BNC2: variants seen among roughly 807,000 people sequenced by gnomAD.
BNC2 encodes the protein basonuclin zinc finger protein 2.
A neutral mutation model predicts 76.3 loss-of-function variants in BNC2; 20 were observed. That is an observed-to-expected ratio of 0.26 (90% CI 0.18 to 0.38). The LOEUF is 0.38. Ranked by LOEUF, BNC2 falls within the 10% of genes least tolerant of loss-of-function variation. BNC2 has a pLI of 1.00. For missense variants in BNC2, 1,382 were observed against 1,399.8 expected (o/e 0.99, Z 0.20); for synonymous variants, 582 against 514.8 (o/e 1.13, Z -1.77).
chr9:16,419,882 AGAGTTGACTCTGTCAAT>A (rs1452738080), intron 6 of BNC2, among the ~76,000 whole-genome samples: 1 of 152,204 alleles, frequency 6.6e-6, no homozygotes, highest in African/African-American at 2.4e-5. Context: ...TTTTTATAAG[AGAGTTGACTCTGTCAAT>A]GGTAGGATGA....
In BNC2 at chr9:16,667,327, C is replaced by A. The variant is rs551429423; in HGVS notation, c.330+60470G>T. Among the ~76,000 whole-genome samples, 6 of 152,258 alleles carry A rather than the reference C, an allele frequency of 3.9e-5. No individual in the cohort carries two copies. In the South Asian group the frequency reaches 1.2e-3, roughly 32 times the overall value. On this transcript the variant is annotated intron_variant, in intron 3 of 6. Coordinates refer to ENST00000380672, the MANE Select transcript of BNC2 (RefSeq NM_017637.6). ...CTTTTGCAAATTTAACCGGCCTATACAAGAATAAAATCCACAATCAAGCTC... is the reference window on the plus strand; with the variant it reads ...CTTTTGCAAATTTAACCGGCCTATAAAAGAATAAAATCCACAATCAAGCTC...
At chr9:16,696,842 A>G (rs1823353512) in intron 3 of BNC2, among the ~76,000 whole-genome samples, 1 of 152,210 alleles carries the variant, frequency 6.6e-6, no homozygotes, top group Non-Finnish European at 1.5e-5. Context: ...AGATGCAAAA[A>G]GGTTATTATT....
At chr9:16,432,997 T>C (rs1174700992) in intron 6 of BNC2, among the ~76,000 whole-genome samples, 5 of 152,152 alleles carry the variant, frequency 3.3e-5, no homozygotes, top group East Asian at 3.9e-4. Context: ...TTGACATTCA[T>C]TGACAAAATA....
chr9:16,555,088 C>T (rs765436616), intron 4 of BNC2, among the ~76,000 whole-genome samples: 5 of 150,816 alleles, frequency 3.3e-5, no homozygotes, highest in Admixed American at 2.6e-4. Context: ...GGCGCGATCT[C>T]GGCTCACTGC....
chr9:16,440,541 T>G (rs1034996219), intron 5 of BNC2, among the ~76,000 whole-genome samples: 1 of 152,196 alleles, frequency 6.6e-6, no homozygotes, highest in African/African-American at 2.4e-5. Context: ...TACCTAAATC[T>G]ACATGTCAGT....
intron 4 of BNC2, among the ~76,000 whole-genome samples, chr9:16,555,780 G>C (rs1333127579): frequency 2.6e-5 from 4 of 152,054 alleles, no homozygotes; most frequent in Non-Finnish European, 5.9e-5. Context: ...CTGGGCAACA[G>C]AGTGAGACCC....
chr9:16,472,470 T>C (rs1821846075), intron 5 of BNC2, among the ~76,000 whole-genome samples: 1 of 152,216 alleles, frequency 6.6e-6, no homozygotes. Context: ...TATATATACC[T>C]ACTCTCCTCT....
intron 3 of BNC2, among the ~76,000 whole-genome samples, chr9:16,697,598 G>A (rs537938499): frequency 4.1e-4 from 34 of 82,244 alleles, no homozygotes; most frequent in Admixed American, 9.3e-4. Flanking sequence ...GCACATGCCT[G>A]TAATCCCAGC....
At chr9:16,705,458 T>G (rs544546397) in intron 3 of BNC2, among the ~76,000 whole-genome samples, 6 of 152,286 alleles carry the variant, frequency 3.9e-5, no homozygotes, top group Admixed American at 1.3e-4. Context: ...ACCCCTTGCA[T>G]TGTGACCAGC....
intron 3 of BNC2, among the ~76,000 whole-genome samples, chr9:16,638,407 G>A (rs1477488934): frequency 6.6e-6 from 1 of 151,976 alleles, no homozygotes; most frequent in Non-Finnish European, 1.5e-5. Context: ...CAGAAAACTT[G>A]GATAAAAATA....
intron 3 of BNC2, among the ~76,000 whole-genome samples, chr9:16,645,016 G>A (rs1821585201): frequency 6.6e-6 from 1 of 152,132 alleles, no homozygotes; most frequent in Non-Finnish European, 1.5e-5. Flanking sequence ...TAATGAAGAC[G>A]CTACATTTAC....
chr9:16,518,032 T>C (rs10962471), intron 5 of BNC2, among the ~76,000 whole-genome samples: 14,200 of 152,112 alleles, frequency 0.093, 2,138 homozygotes, highest in African/African-American at 0.32. Flanking sequence ...ATCTTGAGAG[T>C]GAAATCTGGA....
rs932192603 is a variant in BNC2 at position 16,755,487 on chromosome 9, G to A, written c.4-17002C>T. ...ACCACTGCTGCGCTTAACCATTAGG[G>A]TAATATCACTATGCTAACTATGCAA... On this transcript the variant is annotated intron_variant, in intron 1 of 6. Transcript: ENST00000380672. 2.0e-5 allele frequency among the ~76,000 whole-genome samples: 3 copies of A among 152,216 alleles called. 1 individual carries two copies. In the South Asian group the frequency reaches 6.2e-4, roughly 32 times the overall value.
At chr9:16,482,353 G>A (rs1822074501) in intron 5 of BNC2, among the ~76,000 whole-genome samples, 1 of 150,758 alleles carries the variant, frequency 6.6e-6, no homozygotes, top group Non-Finnish European at 1.5e-5. Context: ...TCAGTGCAAG[G>A]TCCCTGTTGG....
chr9:16,487,698 T>A (rs1587086570), intron 5 of BNC2, among the ~76,000 whole-genome samples: 1 of 152,298 alleles, frequency 6.6e-6, no homozygotes, highest in East Asian at 1.9e-4. Flanking sequence ...CTCTTAAGAT[T>A]CCAGTAACAT....
chr9:16,690,233 C>G (rs1038662549), intron 3 of BNC2, among the ~76,000 whole-genome samples: 3 of 152,116 alleles, frequency 2.0e-5, no homozygotes, highest in Admixed American at 6.5e-5. Context: ...GTGGATCACA[C>G]ATGTAATCCT....
At chr9:16,588,959 C>G (rs1819844692) in intron 3 of BNC2, among the ~76,000 whole-genome samples, 1 of 152,154 alleles carries the variant, frequency 6.6e-6, no homozygotes, top group South Asian at 2.1e-4. Flanking sequence ...GACACTTATC[C>G]CAGTTATCTG....
chr9:16,536,196 A>C (rs1818125465), intron 5 of BNC2, among the ~76,000 whole-genome samples: 1 of 152,204 alleles, frequency 6.6e-6, no homozygotes, highest in South Asian at 2.1e-4. Flanking sequence ...TAAACTAATA[A>C]TAAACGCCCT....
At chr9:16,631,430 C>T (rs1312014864) in intron 3 of BNC2, among the ~76,000 whole-genome samples, 1 of 152,178 alleles carries the variant, frequency 6.6e-6, no homozygotes, top group Non-Finnish European at 1.5e-5. Context: ...ATAACACCAT[C>T]ACAGGATCAA....
Sources: gnomAD v4.1 joint callset for allele counts (sites outside exome capture counted in the v4.1 genomes callset) on GRCh38, gnomAD v4.1.1 for gene constraint, MANE v1.5 for transcripts, NCBI Gene and HGNC (gene_info 2026-07-23, HGNC 2026-07-21) for gene names.